The following SGK1 variants were observed in gnomAD, a reference collection of about 807,000 sequenced individuals.
SGK1 encodes the protein serine/threonine-protein kinase Sgk1.
SGK1 carries 26 observed loss-of-function variants against 64.2 expected under a neutral mutation model. The observed-to-expected ratio is 0.40, with a 90% CI of 0.30 to 0.56. The LOEUF is 0.56. Ranked by LOEUF, SGK1 falls within the 20% of genes least tolerant of loss-of-function variation. SGK1 has a pLI of 0.38. For synonymous variants in SGK1, 265 were observed against 239.7 expected, an observed-to-expected ratio of 1.11 and a Z score of -0.98; for missense variants, 519 against 645.6, an observed-to-expected ratio of 0.80 and a Z score of 2.12.
chr6:134,243,637 G>A lies in SGK1; in HGVS notation c.285+18296C>T, dbSNP rs573881521. Among the ~76,000 whole-genome samples the A allele has an allele frequency of 3.4e-4, 52 of 152,242 alleles. No homozygotes were observed. In the South Asian group the frequency reaches 5.6e-3, roughly 16 times the overall value. On this transcript the variant is annotated intron_variant, in intron 2 of 13. Coordinates refer to ENST00000367858, the MANE Select transcript of SGK1 (RefSeq NM_001143676.3). Reference sequence around the variant, plus strand: ...GCTTGCCTTGGCCTCCGAAAGTGCTGGGATTACAGGCACGAGCCACCGCGC... The same window carrying A: ...GCTTGCCTTGGCCTCCGAAAGTGCTAGGATTACAGGCACGAGCCACCGCGC...
intron 10 of SGK1, 67 bp from the exon 11 acceptor site, chr6:134,171,799 T>C (rs1280059773): frequency 9.5e-7 from 1 of 1,057,828 alleles, no homozygotes; most frequent in East Asian, 2.5e-5. Context: ...GACCACACAT[T>C]TAGTTTGAAA....
chr6:134,197,990 G>T (rs1172531626), intron 3 of SGK1, among the ~76,000 whole-genome samples: 1 of 152,024 alleles, frequency 6.6e-6, no homozygotes, highest in Non-Finnish European at 1.5e-5. Flanking sequence ...ACATCCACAA[G>T]AAACATAAGT....
intron 1 of SGK1, among the ~76,000 whole-genome samples, chr6:134,275,743 G>A (rs1001700318): frequency 3.9e-5 from 6 of 152,134 alleles, no homozygotes; most frequent in Admixed American, 3.9e-4. Context: ...ATTGTGCCCG[G>A]AATGCATCCA....
chr6:134,308,619 C>T (rs9376028), intron 1 of SGK1, among the ~76,000 whole-genome samples: 29,036 of 151,980 alleles, frequency 0.19, 3,610 homozygotes, highest in East Asian at 0.55. Flanking sequence ...TGAAGTGGTG[C>T]CCTCTCAGCT....
At position 134,317,655 on chromosome 6, in the gene SGK1, G is replaced by A. The variant is rs1157937905; in HGVS notation, c.-195C>T. On this transcript the variant is annotated 5_prime_UTR_variant, in exon 1 of 14. Coordinates refer to ENST00000367858, the MANE Select transcript of SGK1 (RefSeq NM_001143676.3). ...CAGCAACCTCTCCCCACTTTCAGTTGCCACCGACAGCGGCTTTTCTCCTTC... is the reference window on the plus strand; with the variant it reads ...CAGCAACCTCTCCCCACTTTCAGTTACCACCGACAGCGGCTTTTCTCCTTC... The A allele has an allele frequency of 3.4e-6, 2 of 590,440 alleles. No homozygotes were observed. The highest frequency in any genetic ancestry group is 6.1e-6 in the Non-Finnish European group (2 of 330,048). The allele number at this position is 590,440 out of a possible 1,614,324, so 36.6% of individuals were successfully genotyped here.
intron 8 of SGK1, 38 bp from the exon 9 acceptor site, chr6:134,172,812 T>C: frequency 6.9e-7 from 1 of 1,454,536 alleles, no homozygotes; most frequent in Non-Finnish European, 9.7e-7. Flanking sequence ...GGGTTGCAAA[T>C]GAATTTAATT....
At chr6:134,298,126 C>A in intron 1 of SGK1, 1 of 1,330,752 alleles carries the variant, frequency 7.5e-7, no homozygotes. Context: ...CATCCACATC[C>A]TTCTTGATGA....
At chr6:134,297,958 T>G in intron 1 of SGK1, 1 of 810,188 alleles carries the variant, frequency 1.2e-6, no homozygotes, top group Non-Finnish European at 2.2e-6. Context: ...ATGCCGTCCA[T>G]GTCCGGGGAG....
chr6:134,221,193 A>G (rs1316121337), intron 2 of SGK1, among the ~76,000 whole-genome samples: 1 of 151,914 alleles, frequency 6.6e-6, no homozygotes, highest in Non-Finnish European at 1.5e-5. Flanking sequence ...AATCCCAGCT[A>G]CTTGGGAGGC....
chr6:134,201,805 C>T (rs563966316), intron 3 of SGK1, among the ~76,000 whole-genome samples: 1 of 152,284 alleles, frequency 6.6e-6, no homozygotes, highest in East Asian at 1.9e-4. Flanking sequence ...GGATGGATGG[C>T]TATGGAGCTG....
At chr6:134,191,859 A>G (rs1398055853) in intron 3 of SGK1, among the ~76,000 whole-genome samples, 5 of 8,520 alleles carry the variant, frequency 5.9e-4, no homozygotes, top group African/African-American at 1.5e-3. Context: ...TTTTTGAGAC[A>G]GAGTCTCGCT....
rs575985972 is a variant in SGK1, at chr6:134,290,724, A to C, written c.69+26668T>G. Among the ~76,000 whole-genome samples the C allele has an allele frequency of 2.0e-5, 3 of 152,274 alleles. No homozygotes were observed. The East Asian group carries it at 5.8e-4, about 29-fold the overall frequency. Reference sequence around the variant, plus strand: ...TAAGGAGGCCTGCGAAGTCCTAGCTAGTTTATTTTCTACTTTGCTGTTCAA... The same window carrying C: ...TAAGGAGGCCTGCGAAGTCCTAGCTCGTTTATTTTCTACTTTGCTGTTCAA... On this transcript the variant is annotated intron_variant, in intron 1 of 13. Coordinates refer to ENST00000367858, the MANE Select transcript of SGK1 (RefSeq NM_001143676.3).
intron 3 of SGK1, among the ~76,000 whole-genome samples, chr6:134,193,882 A>C (rs1369648093): frequency 1.8e-5 from 2 of 110,718 alleles, no homozygotes; most frequent in Admixed American, 2.0e-4. Flanking sequence ...TAAGATAACT[A>C]TTTACCCAAT....
At chr6:134,192,405 T>A (rs1301763140) in intron 3 of SGK1, among the ~76,000 whole-genome samples, 2 of 152,216 alleles carry the variant, frequency 1.3e-5, no homozygotes, top group African/African-American at 2.4e-5. Context: ...TTTTCCTAAA[T>A]CCTTTGCATT....
intron 2 of SGK1, among the ~76,000 whole-genome samples, chr6:134,235,657 C>T (rs1247091593): frequency 1.3e-5 from 2 of 151,698 alleles, no homozygotes; most frequent in South Asian, 4.2e-4. Context: ...CTGCAACCTC[C>T]ACCTCCAGGG....
At chr6:134,207,165 G>T (rs1775806160) in intron 3 of SGK1, among the ~76,000 whole-genome samples, 191 bp downstream of exon 3, 1 of 152,114 alleles carries the variant, frequency 6.6e-6, no homozygotes, top group South Asian at 2.1e-4. Context: ...GGCGGAGCTT[G>T]CAGTGAGCTG....
chr6:134,253,827 G>T (rs1776641330), intron 2 of SGK1, among the ~76,000 whole-genome samples: 1 of 152,096 alleles, frequency 6.6e-6, no homozygotes, highest in South Asian at 2.1e-4. Flanking sequence ...CAAATCGCAT[G>T]GATCCTTCCA....
At chr6:134,218,063 T>C (rs560207773) in intron 2 of SGK1, among the ~76,000 whole-genome samples, 3 of 152,224 alleles carry the variant, frequency 2.0e-5, no homozygotes, top group Non-Finnish European at 4.4e-5. Context: ...AAATGTTTTC[T>C]ATATTCTACA....
chr6:134,246,454 G>A (rs1776526439), intron 2 of SGK1, among the ~76,000 whole-genome samples: 1 of 151,960 alleles, frequency 6.6e-6, no homozygotes, highest in African/African-American at 2.4e-5. Flanking sequence ...ACCACACCTG[G>A]CCCTTGTTTG....
Sources: gnomAD v4.1 joint callset for allele counts (sites outside exome capture counted in the v4.1 genomes callset) on GRCh38, gnomAD v4.1.1 for gene constraint, MANE v1.5 for transcripts, NCBI Gene and HGNC (gene_info 2026-07-23, HGNC 2026-07-21) for gene names.